GDPD4: variants seen among roughly 807,000 people sequenced by gnomAD.
GDPD4 encodes glycerophosphodiester phosphodiesterase 6.
GDPD4 carries 60 observed loss-of-function variants against 67.8 expected under a neutral mutation model. That is an observed-to-expected ratio of 0.88 (90% CI 0.72 to 1.10). GDPD4 has a LOEUF of 1.10. Among genes scored for constraint, GDPD4 ranks in the 50% least tolerant of loss-of-function variants. The pLI is 0.00. For synonymous variants in GDPD4, 212 were observed against 210.9 expected (o/e 1.00, Z -0.04); for missense variants, 623 against 613.9 (o/e 1.01, Z -0.16).
chr11:77,279,439 A>C lies in GDPD4; in HGVS notation c.54-40T>G, dbSNP rs770926994. On this transcript the variant is annotated intron_variant, in intron 3 of 16. Coordinates refer to ENST00000315938, the MANE Select transcript of GDPD4 (RefSeq NM_182833.3). ...GTTTCAGTTCTTAAAATAATGCAGA[A>C]ATCAGTAGCATCTGTGTCAAGGATG... 11 of 1,238,494 alleles carry C rather than the reference A, an allele frequency of 8.9e-6. No homozygotes were observed. The South Asian group carries it at 9.7e-5, about 11-fold the overall frequency. The allele number at this position is 1,238,494 out of a possible 1,614,324, so 76.7% of individuals were successfully genotyped here. A position where few individuals can be genotyped will look rare whatever the true frequency, so the allele number is the denominator to read the frequency against.
chr11:77,245,540 T>A (rs1370769903), intron 11 of GDPD4, 38 bp from the exon 12 acceptor site: 1 of 1,446,024 alleles, frequency 6.9e-7, no homozygotes. Context: ...TAAAAGCACT[T>A]TCCAGTTCTC....
chr11:77,253,781 G>A (rs947616938), intron 11 of GDPD4, among the ~76,000 whole-genome samples: 1 of 152,138 alleles, frequency 6.6e-6, no homozygotes, highest in Non-Finnish European at 1.5e-5. Flanking sequence ...TGAGAGGGCA[G>A]TGCACAGTTT....
At chr11:77,258,348 T>C in intron 11 of GDPD4, 38 bp downstream of exon 11, 2 of 1,602,234 alleles carry the variant, frequency 1.2e-6, no homozygotes, top group Admixed American at 1.7e-5. Context: ...CTTACAAAAA[T>C]TCAATGCAGG....
intron 1 of GDPD4, among the ~76,000 whole-genome samples, chr11:77,287,668 G>A (rs941545819): frequency 3.3e-5 from 5 of 152,124 alleles, no homozygotes; most frequent in African/African-American, 7.2e-5. Context: ...TCTAAAGTGG[G>A]ACAATATTCC....
chr11:77,234,312 A>C (rs1958510370), intron 13 of GDPD4, among the ~76,000 whole-genome samples: 1 of 152,206 alleles, frequency 6.6e-6, no homozygotes, highest in Non-Finnish European at 1.5e-5. Flanking sequence ...AAAGTTACTT[A>C]TTTTTACCTT....
chr11:77,269,444 TC>T, intron 8 of GDPD4, among the ~76,000 whole-genome samples: 1 of 152,024 alleles, frequency 6.6e-6, no homozygotes, highest in Non-Finnish European at 1.5e-5. Context: ...GTAAAGATCA[TC>T]CTAAAACATC....
In GDPD4 at chr11:77,279,207, C is replaced by A. The variant is rs944466329; in HGVS notation, c.147+99G>T. 7 of 696,996 alleles carry A rather than the reference C, an allele frequency of 1.0e-5. No individual in the cohort carries two copies. The African/African-American group carries it at 1.1e-4, about 11-fold the overall frequency. 43.2% of individuals were successfully genotyped at this position (696,996 alleles called of 1,614,324 possible). On this transcript the variant is annotated intron_variant, in intron 4 of 16. Coordinates refer to ENST00000315938, the MANE Select transcript of GDPD4 (RefSeq NM_182833.3). ...ACTAAGACAAGAGTGATCTTAGGTT[C>A]TGAGAGTCCCCAGTACCAACTGGAT...
chr11:77,262,854 CAAAAAA>C (rs67911054), intron 10 of GDPD4, among the ~76,000 whole-genome samples: 3 of 67,004 alleles, frequency 4.5e-5, no homozygotes, highest in Admixed American at 2.1e-4. Context: ...TTCTCTGCTG[CAAAAAA>C]AAAAAAAAAA....
chr11:77,271,215 A>G lies in GDPD4; in HGVS notation c.315T>C (p.Ala105=). Residue 105 remains alanine (A), a synonymous_variant, in exon 7 of 17, where the codon GCT becomes GCC. Transcript: ENST00000315938. ...TTATGCTGACCAGGTGCACGTAGGG[A>G]GCAAAGATCTGTGAGAAAGCCAAAA... The part of the protein sequence containing the change: ...LVAGLSMQIF[A]PYVHLVSITV... The G allele has an allele frequency of 6.2e-7, 1 of 1,613,382 alleles. No individual in the cohort carries two copies. Among genetic ancestry groups the G allele is most frequent in the Non-Finnish European group, 8.5e-7 (1 of 1,179,708 alleles).
intron 11 of GDPD4, among the ~76,000 whole-genome samples, chr11:77,255,854 G>A (rs896948647): frequency 2.0e-5 from 3 of 152,042 alleles, no homozygotes; most frequent in South Asian, 2.1e-4. Context: ...GCTACAGAGC[G>A]AGACTCTGTC....
At chr11:77,252,053 TG>T (rs57007307) in intron 11 of GDPD4, among the ~76,000 whole-genome samples, 96,636 of 135,342 alleles carry the variant, frequency 0.71, 34,750 homozygotes, top group Middle Eastern at 0.82. Context: ...TTTGTTTGTT[TG>T]TTTTTTTTTT....
chr11:77,264,639 T>C (rs1959170057), intron 10 of GDPD4, among the ~76,000 whole-genome samples: 1 of 152,146 alleles, frequency 6.6e-6, no homozygotes, highest in Non-Finnish European at 1.5e-5. Flanking sequence ...AGGTCCCTGA[T>C]AACTTAGTAA....
intron 1 of GDPD4, among the ~76,000 whole-genome samples, chr11:77,297,498 T>G (rs545170353): frequency 6.8e-6 from 1 of 147,128 alleles, no homozygotes; most frequent in African/African-American, 2.5e-5. Flanking sequence ...ATCCCACCAC[T>G]GCACTCCAGC....
intron 11 of GDPD4, 129 bp downstream of exon 11, chr11:77,258,257 G>C (rs1959041775): frequency 6.9e-6 from 6 of 866,278 alleles, no homozygotes; most frequent in Admixed American, 2.2e-5. Flanking sequence ...CTATAGTCCT[G>C]CTACCAAACT....
intron 16 of GDPD4, among the ~76,000 whole-genome samples, chr11:77,219,033 C>T (rs1958178575): frequency 6.6e-6 from 1 of 152,196 alleles, no homozygotes. Context: ...CCTATTTCTC[C>T]ACATCCTCTC....
intron 14 of GDPD4, among the ~76,000 whole-genome samples, chr11:77,229,863 CT>C (rs758930210): frequency 7.4e-4 from 113 of 152,266 alleles, no homozygotes; most frequent in Non-Finnish European, 1.4e-3. Context: ...TCCCAGAGCT[CT>C]GTCTTCTGGG....
chr11:77,296,949 G>A (rs2135899461), intron 1 of GDPD4, among the ~76,000 whole-genome samples: 1 of 151,320 alleles, frequency 6.6e-6, no homozygotes, highest in East Asian at 2.0e-4. Flanking sequence ...AGCTATTCGG[G>A]AGGCTGAGGC....
At chr11:77,222,211 G>T (rs1356228251) in intron 16 of GDPD4, among the ~76,000 whole-genome samples, 3 of 152,128 alleles carry the variant, frequency 2.0e-5, no homozygotes, top group Non-Finnish European at 2.9e-5. Flanking sequence ...GGGGCATTTA[G>T]CCCATTTACA....
At position 77,218,564 on chromosome 11, in the gene GDPD4, G is replaced by T. The variant is rs113782075; in HGVS notation, c.1526-1250C>A. Among the ~76,000 whole-genome samples, 1,156 of 152,182 alleles carry T rather than the reference G, an allele frequency of 7.6e-3. 7 individuals carry two copies. Among genetic ancestry groups the T allele is most frequent in the Middle Eastern group, 0.027 (8 of 294 alleles). ...ATACCCCCACCCCACGACAGGCTGT[G>T]GTGTGTGATGTTCCCTGCCCTGTAT... On this transcript the variant is annotated intron_variant, in intron 16 of 16. Transcript: ENST00000315938.
Sources: allele counts gnomAD v4.1 joint callset (sites outside exome capture counted in the v4.1 genomes callset), GRCh38; gene constraint gnomAD v4.1.1; transcripts MANE v1.5; gene names NCBI Gene and HGNC (gene_info 2026-07-23, HGNC 2026-07-21).